The following BICD1 variants were observed in gnomAD, a reference collection of about 807,000 sequenced individuals.
The protein encoded by BICD1 is protein bicaudal D homolog 1.
BICD1 carries 35 observed loss-of-function variants against 92.5 expected under a neutral mutation model. The observed-to-expected ratio is 0.38, with a 90% CI of 0.29 to 0.50. The LOEUF (loss-of-function observed/expected upper bound fraction) is 0.50. BICD1 is among the 20% of genes least tolerant of loss of function. The pLI, the probability that BICD1 is intolerant of heterozygous loss-of-function variation, is 0.93. For missense variants in BICD1, 950 were observed against 1,189.8 expected (o/e 0.80, Z 2.97); for synonymous variants, 429 against 465.1 (o/e 0.92, Z 1.00).
chr12:32,243,306 G>A (rs1200978381), intron 2 of BICD1, among the ~76,000 whole-genome samples: 1 of 125,286 alleles, frequency 8.0e-6, no homozygotes, highest in Non-Finnish European at 1.7e-5. Context: ...TAGAGACAGG[G>A]TTTTGCCATG....
intron 1 of BICD1, among the ~76,000 whole-genome samples, chr12:32,122,861 T>C (rs1342504325): frequency 6.6e-6 from 1 of 152,228 alleles, no homozygotes; most frequent in Non-Finnish European, 1.5e-5. Flanking sequence ...GCCAGTGTGA[T>C]TCAGAAATTT....
At chr12:32,130,651 T>C (rs1186075906) in intron 1 of BICD1, among the ~76,000 whole-genome samples, 1 of 152,110 alleles carries the variant, frequency 6.6e-6, no homozygotes, top group Non-Finnish European at 1.5e-5. Flanking sequence ...CATAGGTGAT[T>C]GTATGTCAGT....
intron 2 of BICD1, among the ~76,000 whole-genome samples, chr12:32,273,841 C>T (rs1330511623): frequency 2.0e-5 from 3 of 152,210 alleles, no homozygotes; most frequent in African/African-American, 7.2e-5. Flanking sequence ...AAAGAACTCT[C>T]AGCAAAGCGA....
At chr12:32,371,471 T>C (rs1272248572) in intron 9 of BICD1, among the ~76,000 whole-genome samples, 2 of 152,062 alleles carry the variant, frequency 1.3e-5, no homozygotes, top group Non-Finnish European at 2.9e-5. Flanking sequence ...CAGACAAGGG[T>C]TCATTTCTTT....
At chr12:32,159,414 A>T (rs1401672345) in intron 1 of BICD1, among the ~76,000 whole-genome samples, 1 of 152,140 alleles carries the variant, frequency 6.6e-6, no homozygotes, top group Non-Finnish European at 1.5e-5. Context: ...TAAAAAGCAT[A>T]GTTGTCTGGG....
intron 8 of BICD1, among the ~76,000 whole-genome samples, chr12:32,350,208 C>T (rs913218553): frequency 3.9e-5 from 6 of 152,094 alleles, no homozygotes; most frequent in African/African-American, 1.2e-4. Flanking sequence ...GTGAGCCAGG[C>T]GTGGTGGCTC....
At chr12:32,375,793 G>A (rs1423258774) in intron 9 of BICD1, among the ~76,000 whole-genome samples, 1 of 152,110 alleles carries the variant, frequency 6.6e-6, no homozygotes, top group African/African-American at 2.4e-5. Flanking sequence ...GATATAGGTA[G>A]AGGATAATTT....
intron 2 of BICD1, among the ~76,000 whole-genome samples, chr12:32,217,498 A>C (rs981200873): frequency 6.6e-6 from 1 of 152,252 alleles, no homozygotes; most frequent in Non-Finnish European, 1.5e-5. Flanking sequence ...ACAATGAACT[A>C]AATGAATACT....
chr12:32,256,341 C>T (rs980743099), intron 2 of BICD1, among the ~76,000 whole-genome samples: 3 of 152,152 alleles, frequency 2.0e-5, no homozygotes, highest in Non-Finnish European at 2.9e-5. Context: ...TGAGCCACTA[C>T]GCCCTGCCCT....
At chr12:32,319,881 T>G (rs992397452) in intron 4 of BICD1, among the ~76,000 whole-genome samples, 1 of 152,188 alleles carries the variant, frequency 6.6e-6, no homozygotes, top group Non-Finnish European at 1.5e-5. Flanking sequence ...ACTGGTCTCA[T>G]AAGAGTTGGG....
intron 2 of BICD1, among the ~76,000 whole-genome samples, chr12:32,253,965 T>C (rs1477651587): frequency 6.8e-6 from 1 of 147,618 alleles, no homozygotes; most frequent in African/African-American, 2.7e-5. Flanking sequence ...GTATCCCACC[T>C]GTCATAATCA....
chr12:32,286,445 G>A (rs1409444617), intron 2 of BICD1, among the ~76,000 whole-genome samples: 1 of 151,980 alleles, frequency 6.6e-6, no homozygotes, highest in Non-Finnish European at 1.5e-5. Flanking sequence ...AAGATAATAT[G>A]TTTCTACAAA....
At chr12:32,362,069 G>C (rs1322309634) in intron 8 of BICD1, among the ~76,000 whole-genome samples, 5 of 152,184 alleles carry the variant, frequency 3.3e-5, no homozygotes, top group African/African-American at 1.2e-4. Context: ...TTAGAAAATT[G>C]GGTAGTTTGG....
intron 2 of BICD1, among the ~76,000 whole-genome samples, chr12:32,269,865 C>T (rs1057252803): frequency 2.6e-5 from 4 of 152,006 alleles, no homozygotes; most frequent in Non-Finnish European, 5.9e-5. Context: ...CAGGGTGGCT[C>T]ACGCTTGTAA....
chr12:32,230,875 T>TACC (rs1945864872), intron 2 of BICD1, among the ~76,000 whole-genome samples: 1 of 76,760 alleles, frequency 1.3e-5, no homozygotes, highest in African/African-American at 6.4e-5. Flanking sequence ...TCTGTGAAAT[T>TACC]ATCATGACTG....
At chr12:32,334,425 A>G in intron 5 of BICD1, 91 bp from the exon 6 acceptor site, 1 of 1,293,608 alleles carries the variant, frequency 7.7e-7, no homozygotes, top group South Asian at 1.9e-5. Flanking sequence ...CTTTCCTTTT[A>G]TAAAAGAACA....
rs1302012727 is a variant in BICD1 at position 32,316,136 on chromosome 12, A to AG, written c.1005+10014_1005+10015insG. Reference sequence around the variant, plus strand: ...GGGCAACAGAGTGAGACCCTGTCTCAAAAAAAAAAAAAAAAAAGGCTTTGA... The same window carrying AG: ...GGGCAACAGAGTGAGACCCTGTCTCAGAAAAAAAAAAAAAAAAAGGCTTTGA... On this transcript the variant is annotated intron_variant, in intron 4 of 9. Transcript: ENST00000652176. 7.5e-3 allele frequency among the ~76,000 whole-genome samples: 80 copies of AG among 10,716 alleles called. 1 individual carries two copies. In the South Asian group the frequency reaches 0.089, roughly 12 times the overall value. 7.0% of individuals were successfully genotyped at this position (10,716 alleles called of 152,430 possible). A position where few individuals can be genotyped will look rare whatever the true frequency, so the allele number is the denominator to read the frequency against.
rs1485599239 is a variant in BICD1 at position 32,107,562 on chromosome 12, T to TC, written c.213+19dup. On this transcript the variant is annotated intron_variant, in intron 1 of 9. Transcript: ENST00000652176. The stretch of plus-strand genomic sequence containing the variant: ...TCAAAGAGGTGAGTTGCCTGTCACC[T>TC]CTCCCTTTCCTGGCCCTCACTCCCC... The TC allele has an allele frequency of 1.3e-6, 2 of 1,561,276 alleles. No homozygotes were observed. Among genetic ancestry groups the TC allele is most frequent in the Admixed American group, 3.9e-5 (2 of 51,764 alleles).
chr12:32,217,316 T>G (rs74355565), intron 2 of BICD1, among the ~76,000 whole-genome samples: 7,771 of 152,274 alleles, frequency 0.051, 285 homozygotes, highest in East Asian at 0.11. Flanking sequence ...AGCATTTTAG[T>G]GATAGAAATA....
Sources: allele counts gnomAD v4.1 joint callset (sites outside exome capture counted in the v4.1 genomes callset), GRCh38; gene constraint gnomAD v4.1.1; transcripts MANE v1.5; gene names NCBI Gene and HGNC (gene_info 2026-07-23, HGNC 2026-07-21).